EDIL3: variants seen among roughly 807,000 people sequenced by gnomAD.
The protein encoded by EDIL3 is EGF-like repeat and discoidin I-like domain-containing protein 3.
A neutral mutation model predicts 67.4 loss-of-function variants in EDIL3; 37 were observed. The observed-to-expected ratio is 0.55, with a 90% confidence interval of 0.42 to 0.72. The LOEUF is 0.72. Ranked by LOEUF, EDIL3 falls within the 30% of genes least tolerant of loss-of-function variation. The pLI, the probability that EDIL3 is intolerant of heterozygous loss-of-function variation, is 0.00. For missense variants in EDIL3, 527 were observed against 586.3 expected, an observed-to-expected ratio of 0.90 and a Z score of 1.04; for synonymous variants, 195 against 196.3, an observed-to-expected ratio of 0.99 and a Z score of 0.05.
chr5:84,374,302 T>G (rs1489813495), intron 1 of EDIL3, among the ~76,000 whole-genome samples: 1 of 152,096 alleles, frequency 6.6e-6, no homozygotes, highest in Non-Finnish European at 1.5e-5. Context: ...ACATATAGAT[T>G]CAAATTGAAA....
chr5:84,201,970 G>A (rs1003426120), intron 3 of EDIL3, among the ~76,000 whole-genome samples: 2 of 152,064 alleles, frequency 1.3e-5, no homozygotes, highest in Non-Finnish European at 1.5e-5. Flanking sequence ...AAATTGTGTT[G>A]TAAAGAGTTT....
chr5:84,225,638 AT>A (rs944072123), intron 3 of EDIL3, among the ~76,000 whole-genome samples: 2 of 151,400 alleles, frequency 1.3e-5, no homozygotes, highest in African/African-American at 4.8e-5. Context: ...TGTCTTCCTG[AT>A]TTTTTTCATT....
intron 6 of EDIL3, among the ~76,000 whole-genome samples, chr5:84,067,880 G>T (rs79093792): frequency 1.3e-5 from 2 of 152,252 alleles, no homozygotes; most frequent in Non-Finnish European, 2.9e-5. Context: ...ATTCTGGGCC[G>T]ATGGTCCCTT....
intron 2 of EDIL3, among the ~76,000 whole-genome samples, chr5:84,234,700 T>A (rs569422590): frequency 6.6e-6 from 1 of 152,304 alleles, no homozygotes; most frequent in East Asian, 1.9e-4. Context: ...TTTCTTAGTA[T>A]ATTATAACAT....
At chr5:84,307,628 G>A (rs1408973239) in intron 1 of EDIL3, among the ~76,000 whole-genome samples, 2 of 152,194 alleles carry the variant, frequency 1.3e-5, no homozygotes, top group Admixed American at 1.3e-4. Context: ...GAGGTGGCAG[G>A]TGAAGTTCTT....
At chr5:84,136,929 G>A (rs979167620) in intron 5 of EDIL3, among the ~76,000 whole-genome samples, 3 of 151,902 alleles carry the variant, frequency 2.0e-5, no homozygotes, top group African/African-American at 7.3e-5. Context: ...TGGGATTCGT[G>A]GAACTTGAGT....
intron 3 of EDIL3, among the ~76,000 whole-genome samples, chr5:84,190,665 G>C (rs986404251): frequency 6.6e-6 from 1 of 151,130 alleles, no homozygotes; most frequent in African/African-American, 2.4e-5. Flanking sequence ...ATTTCACATA[G>C]TGTCTCTAAG....
intron 3 of EDIL3, among the ~76,000 whole-genome samples, chr5:84,187,331 T>C (rs1187762849): frequency 2.0e-5 from 3 of 152,080 alleles, no homozygotes; most frequent in Non-Finnish European, 4.4e-5. Context: ...GTTATTTCCA[T>C]ATGTGTAATA....
chr5:84,156,034 T>G (rs1332854864), intron 4 of EDIL3, among the ~76,000 whole-genome samples: 2 of 152,200 alleles, frequency 1.3e-5, no homozygotes, highest in East Asian at 1.9e-4. Context: ...GGACTGACTG[T>G]ATCCTCTAGA....
Position 83,976,271 on chromosome 5 carries a change from G to C in EDIL3, c.1138-12911C>G, listed in dbSNP as rs1019449. On this transcript the variant is annotated intron_variant, in intron 9 of 10. Transcript: ENST00000296591. ...CATGTTGACAATATGCTTCAGGAACGAGAAATATCCTTGTTGTTTGGGAGA... is the reference window on the plus strand; with the variant it reads ...CATGTTGACAATATGCTTCAGGAACCAGAAATATCCTTGTTGTTTGGGAGA... 1.5e-3 allele frequency among the ~76,000 whole-genome samples: 233 copies of C among 151,880 alleles called. 2 individuals are homozygous for C. The highest frequency in any genetic ancestry group is 5.3e-3 in the African/African-American group (221 of 41,516).
intron 4 of EDIL3, among the ~76,000 whole-genome samples, chr5:84,140,168 G>C (rs1748165051): frequency 6.6e-6 from 1 of 152,054 alleles, no homozygotes; most frequent in African/African-American, 2.4e-5. Context: ...AGGAAGATGG[G>C]ACAGAAACCC....
chr5:84,062,770 T>C (rs180812828), intron 8 of EDIL3, among the ~76,000 whole-genome samples: 4 of 152,206 alleles, frequency 2.6e-5, no homozygotes, highest in Non-Finnish European at 5.9e-5. Flanking sequence ...GGGGAGTAGT[T>C]TGGTACATTA....
intron 3 of EDIL3, among the ~76,000 whole-genome samples, chr5:84,194,988 T>C (rs1743675122): frequency 6.6e-6 from 1 of 151,942 alleles, no homozygotes; most frequent in Non-Finnish European, 1.5e-5. Context: ...CAGAATACGG[T>C]CACAGAGTCA....
At chr5:84,345,896 G>T (rs946837561) in intron 1 of EDIL3, among the ~76,000 whole-genome samples, 1 of 152,092 alleles carries the variant, frequency 6.6e-6, no homozygotes, top group Non-Finnish European at 1.5e-5. Context: ...ACATATGGGA[G>T]ACTCTCACTC....
intron 1 of EDIL3, among the ~76,000 whole-genome samples, chr5:84,273,788 T>C (rs1745520661): frequency 6.6e-6 from 1 of 152,222 alleles, no homozygotes. Context: ...CTCATGGTGC[T>C]GGATTCTTTC....
At chr5:84,329,465 T>C (rs1480335097) in intron 1 of EDIL3, among the ~76,000 whole-genome samples, 1 of 152,122 alleles carries the variant, frequency 6.6e-6, no homozygotes, top group Non-Finnish European at 1.5e-5. Flanking sequence ...ACAGTGCTTG[T>C]TATGAAAGAC....
chr5:84,132,312 TTA>T (rs1747984958), intron 5 of EDIL3, among the ~76,000 whole-genome samples: 3 of 88,894 alleles, frequency 3.4e-5, no homozygotes, highest in Non-Finnish European at 6.3e-5. Flanking sequence ...ATAATATATA[TTA>T]TATATATTTT....
At chr5:84,098,745 G>T (rs1452194404) in intron 6 of EDIL3, among the ~76,000 whole-genome samples, 1 of 152,064 alleles carries the variant, frequency 6.6e-6, no homozygotes, top group Non-Finnish European at 1.5e-5. Flanking sequence ...GAATCTCTTG[G>T]ACACAGCTAA....
chr5:84,023,044 AAAC>A (rs1745747201), intron 9 of EDIL3, among the ~76,000 whole-genome samples: 1 of 152,040 alleles, frequency 6.6e-6, no homozygotes, highest in African/African-American at 2.4e-5. Flanking sequence ...CAATAAATGA[AAAC>A]AACTAAAGAC....
Sources: allele counts gnomAD v4.1 joint callset (sites outside exome capture counted in the v4.1 genomes callset), GRCh38; gene constraint gnomAD v4.1.1; transcripts MANE v1.5; gene names NCBI Gene and HGNC (gene_info 2026-07-23, HGNC 2026-07-21).